The following PKNOX2 variants were observed in gnomAD, a reference collection of about 807,000 sequenced individuals.
PKNOX2 encodes the protein homeobox protein PKNOX2.
PKNOX2 carries 14 observed loss-of-function variants against 53.1 expected under a neutral mutation model. The observed-to-expected ratio is 0.26, with a 90% CI of 0.17 to 0.41. The LOEUF is 0.41. Among genes scored for constraint, PKNOX2 ranks in the 10% least tolerant of loss-of-function variants. PKNOX2 has a pLI of 1.00. For synonymous variants in PKNOX2, 257 were observed against 242.8 expected, an observed-to-expected ratio of 1.06 and a Z score of -0.54; for missense variants, 496 against 602.8, an observed-to-expected ratio of 0.82 and a Z score of 1.85.
chr11:125,335,807 G>T (rs1950407328), intron 3 of PKNOX2, among the ~76,000 whole-genome samples: 1 of 152,014 alleles, frequency 6.6e-6, no homozygotes, highest in Non-Finnish European at 1.5e-5. Context: ...GACAGAGGGA[G>T]ACTCCTGTCT....
At chr11:125,258,867 T>A (rs556697646) in intron 2 of PKNOX2, 45 of 394,286 alleles carry the variant, frequency 1.1e-4, no homozygotes, top group African/African-American at 7.5e-4. Flanking sequence ...AGAACATGTC[T>A]CTTGCCTCGG....
In PKNOX2 at chr11:125,422,121, T is replaced by G. The variant is rs564304493; in HGVS notation, c.937-6891T>G. On this transcript the variant is annotated intron_variant, in intron 10 of 12. Coordinates refer to ENST00000298282, the MANE Select transcript of PKNOX2 (RefSeq NM_001382323.2). The surrounding 1 kb of genome is among the most constrained non-coding windows in gnomAD (Gnocchi z 4.1). Reference sequence around the variant, plus strand: ...TCTTAGATAATCATCAATGCCCCTATGATTCGTATTGGCCACAGGGAGTGA... The same window carrying G: ...TCTTAGATAATCATCAATGCCCCTAGGATTCGTATTGGCCACAGGGAGTGA... Among the ~76,000 whole-genome samples, 2 of 152,190 alleles carry G rather than the reference T, an allele frequency of 1.3e-5. No homozygotes were observed. The highest frequency in any genetic ancestry group is 2.9e-5 in the Non-Finnish European group (2 of 68,040).
intron 1 of PKNOX2, among the ~76,000 whole-genome samples, chr11:125,175,207 A>AGAAGGAAGGAAGGAAGGAAG (rs368917674): frequency 6.0e-4 from 84 of 139,076 alleles, no homozygotes; most frequent in Admixed American, 1.8e-3. Context: ...GGGTTTGAGG[A>AGAAGGAAGGAAGGAAGGAAG]GAAGGAAGGA....
chr11:125,281,574 G>C (rs182931148), intron 2 of PKNOX2, among the ~76,000 whole-genome samples: 1 of 152,164 alleles, frequency 6.6e-6, no homozygotes, highest in African/African-American at 2.4e-5. Context: ...GTCCTCACAG[G>C]GTTCTTCTGA....
intron 2 of PKNOX2, among the ~76,000 whole-genome samples, chr11:125,278,436 G>A (rs1946327501): frequency 6.6e-6 from 1 of 152,188 alleles, no homozygotes; most frequent in Admixed American, 6.5e-5. Flanking sequence ...CAAAGGCAGT[G>A]GGAGCAGCCT....
At chr11:125,241,526 G>A (rs547762882) in intron 2 of PKNOX2, among the ~76,000 whole-genome samples, 6 of 152,250 alleles carry the variant, frequency 3.9e-5, no homozygotes, top group Admixed American at 6.5e-5. Context: ...ACCTTGAATC[G>A]TTCCTGGTCA....
chr11:125,186,072 T>G (rs1249175740), intron 1 of PKNOX2, among the ~76,000 whole-genome samples: 1 of 152,014 alleles, frequency 6.6e-6, no homozygotes, highest in African/African-American at 2.4e-5. Context: ...TTGTAGCCAT[T>G]ATAGTATCTC....
intron 1 of PKNOX2, among the ~76,000 whole-genome samples, chr11:125,168,756 G>C (rs1234227305): frequency 6.6e-6 from 1 of 152,210 alleles, no homozygotes; most frequent in South Asian, 2.1e-4. Flanking sequence ...TGAATCCAAC[G>C]TGCAACGTAA....
intron 2 of PKNOX2, among the ~76,000 whole-genome samples, chr11:125,327,487 G>T (rs1029013465): frequency 9.2e-5 from 14 of 152,196 alleles, no homozygotes; most frequent in Non-Finnish European, 5.9e-5. Context: ...TGCATCTGTG[G>T]CTTGGCCCTG....
chr11:125,178,633 A>G (rs1432099884), intron 1 of PKNOX2, among the ~76,000 whole-genome samples: 112 of 85,010 alleles, frequency 1.3e-3, no homozygotes, highest in African/African-American at 8.2e-3. Context: ...AAAGAAAGAA[A>G]GAAAGAAAGA....
At chr11:125,409,526 G>A (rs1385467001) in intron 7 of PKNOX2, among the ~76,000 whole-genome samples, 2 of 152,118 alleles carry the variant, frequency 1.3e-5, no homozygotes, top group Non-Finnish European at 2.9e-5. Flanking sequence ...AGGCTAGGGC[G>A]GCTTTCATTT....
At chr11:125,381,114 G>A (rs1009801738) in intron 5 of PKNOX2, among the ~76,000 whole-genome samples, 6 of 152,200 alleles carry the variant, frequency 3.9e-5, no homozygotes, top group African/African-American at 1.4e-4. Context: ...TGAGGTAGAA[G>A]GTAGTGTCTG....
chr11:125,212,331 G>C (rs1939938264), intron 1 of PKNOX2, among the ~76,000 whole-genome samples: 2 of 152,192 alleles, frequency 1.3e-5, no homozygotes, highest in South Asian at 4.2e-4. Context: ...CTCCGGGCAG[G>C]AGTGTCCTCC....
intron 4 of PKNOX2, among the ~76,000 whole-genome samples, chr11:125,360,613 G>A (rs895216625): frequency 2.6e-5 from 4 of 152,142 alleles, no homozygotes; most frequent in Non-Finnish European, 4.4e-5. Context: ...ACTCACACTT[G>A]CCTACCTCCC....
At chr11:125,189,399 G>GTATATATATA (rs1469244423) in intron 1 of PKNOX2, among the ~76,000 whole-genome samples, 1 of 40,264 alleles carries the variant, frequency 2.5e-5, no homozygotes, top group Admixed American at 3.1e-4. Flanking sequence ...ATATATATAT[G>GTATATATATA]TGTGTATATA....
chr11:125,293,180 A>G (rs1947417402), intron 2 of PKNOX2, among the ~76,000 whole-genome samples: 1 of 152,178 alleles, frequency 6.6e-6, no homozygotes, highest in Non-Finnish European at 1.5e-5. Context: ...AGAAGTAGAA[A>G]TATTTACACA....
chr11:125,233,371 AGTAATAC>A, intron 1 of PKNOX2, among the ~76,000 whole-genome samples: 1 of 152,362 alleles, frequency 6.6e-6, no homozygotes, highest in Non-Finnish European at 1.5e-5. Context: ...CATGCTCAGT[AGTAATAC>A]GTAAGTAGTT....
At chr11:125,178,843 T>C (rs1182258000) in intron 1 of PKNOX2, among the ~76,000 whole-genome samples, 5 of 151,950 alleles carry the variant, frequency 3.3e-5, no homozygotes, top group Non-Finnish European at 1.5e-5. Flanking sequence ...ACAGAAACAC[T>C]TGTGATATGA....
intron 2 of PKNOX2, among the ~76,000 whole-genome samples, chr11:125,261,185 G>T (rs1208376252): frequency 6.6e-6 from 1 of 152,158 alleles, no homozygotes; most frequent in Non-Finnish European, 1.5e-5. Flanking sequence ...TCTTGGAAGG[G>T]CTGGTGAGGG....
Sources: allele counts gnomAD v4.1 joint callset (sites outside exome capture counted in the v4.1 genomes callset), GRCh38; gene constraint gnomAD v4.1.1; non-coding constraint Gnocchi (gnomAD v3.1); transcripts MANE v1.5; gene names NCBI Gene and HGNC (gene_info 2026-07-23, HGNC 2026-07-21).